EFL1: variants seen among roughly 807,000 people sequenced by gnomAD.
The protein encoded by EFL1 is elongation factor-like GTPase 1.
In EFL1, 76 loss-of-function variants were observed where a neutral mutation model predicts 126.7. That is an observed-to-expected ratio of 0.60 (90% CI 0.50 to 0.73). EFL1 has a LOEUF of 0.73. Among genes scored for constraint, EFL1 ranks in the 30% least tolerant of loss-of-function variants. The probability of loss-of-function intolerance (pLI) is 0.00; values close to 1 mark genes in which losing one functional copy is unlikely to be tolerated. For missense variants in EFL1, 1,128 were observed against 1,343.2 expected, an observed-to-expected ratio of 0.84 and a Z score of 2.50; for synonymous variants, 410 against 448.4, an observed-to-expected ratio of 0.91 and a Z score of 1.08.
At chr15:82,138,946 A>G (rs2073755943) in intron 18 of EFL1, 104 bp from the exon 19 acceptor site, 1 of 1,074,530 alleles carries the variant, frequency 9.3e-7, no homozygotes, top group Non-Finnish European at 1.3e-6. Context: ...AAATGATTAA[A>G]TTTGTTCTCA....
At chr15:82,226,504 T>C (rs1188580368) in intron 11 of EFL1, among the ~76,000 whole-genome samples, 1 of 152,214 alleles carries the variant, frequency 6.6e-6, no homozygotes, top group Non-Finnish European at 1.5e-5. Flanking sequence ...CCAAGGTTTT[T>C]GGACTGAGTA....
intron 2 of EFL1, 107 bp downstream of exon 2, chr15:82,261,581 T>C (rs2075118684): frequency 3.7e-6 from 4 of 1,089,138 alleles, no homozygotes; most frequent in East Asian, 2.4e-5. Flanking sequence ...GAAGACTTGC[T>C]TCTTAGCAAA....
chr15:82,169,739 G>A (rs1435043549), intron 15 of EFL1, among the ~76,000 whole-genome samples: 1 of 151,984 alleles, frequency 6.6e-6, no homozygotes, highest in Non-Finnish European at 1.5e-5. Flanking sequence ...CAAAGCTCAG[G>A]AAGCTGTGCT....
chr15:82,172,872 T>C (rs1268901550), intron 15 of EFL1, among the ~76,000 whole-genome samples: 1 of 152,220 alleles, frequency 6.6e-6, no homozygotes, highest in Non-Finnish European at 1.5e-5. Context: ...GTAAATCACT[T>C]CACTTTTATT....
intron 15 of EFL1, among the ~76,000 whole-genome samples, chr15:82,182,606 G>A (rs983116533): frequency 6.6e-6 from 1 of 152,034 alleles, no homozygotes; most frequent in Non-Finnish European, 1.5e-5. Flanking sequence ...GGTGGATCAC[G>A]AGATCAGGAG....
intron 14 of EFL1, among the ~76,000 whole-genome samples, chr15:82,217,554 A>G (rs1254802870): frequency 6.6e-6 from 1 of 152,046 alleles, no homozygotes; most frequent in African/African-American, 2.4e-5. Flanking sequence ...AGGTTGTAGA[A>G]TAACTACAAT....
At chr15:82,167,371 T>C (rs1487579631) in intron 15 of EFL1, among the ~76,000 whole-genome samples, 1 of 152,212 alleles carries the variant, frequency 6.6e-6, no homozygotes, top group Non-Finnish European at 1.5e-5. Flanking sequence ...CATAGGTCCT[T>C]GCTAGACTGT....
At chr15:82,171,162 G>C (rs2074131491) in intron 15 of EFL1, among the ~76,000 whole-genome samples, 1 of 152,156 alleles carries the variant, frequency 6.6e-6, no homozygotes, top group African/African-American at 2.4e-5. Flanking sequence ...TGATTGAAAT[G>C]ATCAAAGAAA....
chr15:82,206,441 T>C (rs1416737188), intron 15 of EFL1, among the ~76,000 whole-genome samples: 1 of 152,082 alleles, frequency 6.6e-6, no homozygotes, highest in Admixed American at 6.5e-5. Flanking sequence ...GATACAGAAG[T>C]AAATATCCCA....
At position 82,163,941 on chromosome 15, in the gene EFL1, C is replaced by G; in HGVS notation, c.1794G>C (p.Leu598=). 1.2e-6 allele frequency: 2 copies of G among 1,614,086 alleles called. No individual in the cohort carries two copies. Among genetic ancestry groups the G allele is most frequent in the Non-Finnish European group, 1.7e-6 (2 of 1,179,986 alleles). The part of the protein sequence containing the change: ...LQDFVLKSAT[L]CSLPSCPPFI... ...ATGGTGGGCAGGATGGCAGGCTACA[C>G]AGTGTTGCAGATTTCAGCACAAAAT... is the stretch of plus-strand genomic sequence containing the variant. The change falls in exon 16 of 20, where the codon CTG becomes CTC. Residue 598 remains leucine (L), a synonymous_variant. Transcript: ENST00000268206.
At chr15:82,189,927 C>T (rs1291713819) in intron 15 of EFL1, among the ~76,000 whole-genome samples, 1 of 151,924 alleles carries the variant, frequency 6.6e-6, no homozygotes, top group Non-Finnish European at 1.5e-5. Flanking sequence ...ACCAGCCTGG[C>T]CAACATGGTG....
At chr15:82,224,715 T>A (rs2074743913) in intron 12 of EFL1, among the ~76,000 whole-genome samples, 1 of 151,938 alleles carries the variant, frequency 6.6e-6, no homozygotes, top group African/African-American at 2.4e-5. Flanking sequence ...AGACACAGAT[T>A]CCCCAAGACT....
intron 4 of EFL1, among the ~76,000 whole-genome samples, chr15:82,251,126 C>T (rs538434390): frequency 6.6e-6 from 1 of 152,228 alleles, no homozygotes; most frequent in South Asian, 2.1e-4. Flanking sequence ...GCAGGAGAAT[C>T]GCTGGAATCC....
intron 15 of EFL1, among the ~76,000 whole-genome samples, chr15:82,185,286 G>T (rs1406414905): frequency 6.6e-6 from 1 of 150,936 alleles, no homozygotes; most frequent in Non-Finnish European, 1.5e-5. Flanking sequence ...AGTTAAAATT[G>T]TATCTCTACT....
chr15:82,207,826 G>A (rs1398373853), intron 15 of EFL1, among the ~76,000 whole-genome samples: 1 of 151,984 alleles, frequency 6.6e-6, no homozygotes, highest in East Asian at 1.9e-4. Context: ...GGGTTCAAGG[G>A]ATTCTCCTGC....
chr15:82,162,999 G>A (rs191939005), intron 16 of EFL1, among the ~76,000 whole-genome samples: 26 of 152,314 alleles, frequency 1.7e-4, no homozygotes, highest in African/African-American at 3.6e-4. Flanking sequence ...GTCATGGGAC[G>A]TGAAATACAA....
intron 7 of EFL1, among the ~76,000 whole-genome samples, chr15:82,232,661 C>T (rs1460082962): frequency 6.6e-6 from 1 of 152,136 alleles, no homozygotes; most frequent in Non-Finnish European, 1.5e-5. Flanking sequence ...ATTGCCAAAC[C>T]TCTCTTTTCA....
chr15:82,209,310 GACACAGAC>G (rs1319228402), intron 15 of EFL1, among the ~76,000 whole-genome samples: 4 of 94,838 alleles, frequency 4.2e-5, no homozygotes, highest in African/African-American at 7.9e-5. Context: ...TTCACACACA[GACACAGAC>G]ACACACACAC....
chr15:82,209,310 G>GACACACACAC lies in EFL1; in HGVS notation c.1750+5406_1750+5407insGTGTGTGTGT, dbSNP rs1439189664. Reference sequence around the variant, plus strand: ...CCACATGACTAAGGATTCACACACAGACACAGACACACACACACACACACA... The same window carrying GACACACACAC: ...CCACATGACTAAGGATTCACACACAGACACACACACACACAGACACACACACACACACACA... On this transcript the variant is annotated intron_variant, in intron 15 of 19. Coordinates refer to ENST00000268206, the MANE Select transcript of EFL1 (RefSeq NM_024580.6). Among the ~76,000 whole-genome samples the GACACACACAC allele has an allele frequency of 2.1e-3, 198 of 94,928 alleles. 1 individual carries two copies. The highest frequency in any genetic ancestry group is 7.5e-3 in the African/African-American group (191 of 25,370). The allele number at this position is 94,928 out of a possible 152,430, so 62.3% of individuals were successfully genotyped here.
Sources: gnomAD v4.1 joint callset for allele counts (sites outside exome capture counted in the v4.1 genomes callset) on GRCh38, gnomAD v4.1.1 for gene constraint, MANE v1.5 for transcripts, NCBI Gene and HGNC (gene_info 2026-07-23, HGNC 2026-07-21) for gene names.